ZNF454: variants seen among roughly 807,000 people sequenced by gnomAD.
ZNF454 encodes the protein zinc finger protein 454.
ZNF454 carries 30 observed loss-of-function variants against 48.2 expected under a neutral mutation model. That is an observed-to-expected ratio of 0.62 (90% confidence interval 0.47 to 0.84). The LOEUF (loss-of-function observed/expected upper bound fraction) is 0.84, where lower values mean the gene tolerates loss of function less well. Ranked by LOEUF, ZNF454 falls within the 40% of genes least tolerant of loss-of-function variation. The pLI is 0.00. For synonymous variants in ZNF454, 204 were observed against 211.4 expected (o/e 0.97, Z 0.30); for missense variants, 510 against 623.1 (o/e 0.82, Z 1.93).
the ZNF454 span, chr5:178,985,713 AAC>A: frequency 0.012 from 4,920 of 407,924 alleles, 119 homozygotes; most frequent in Middle Eastern, 0.031. Context: ...AAAAAAAAAA[AAC>A]AAAACAACAC....
downstream of ZNF454, among the ~76,000 whole-genome samples, chr5:178,967,018 T>A (rs1360936693): frequency 6.6e-6 from 1 of 152,140 alleles, no homozygotes; most frequent in Non-Finnish European, 1.5e-5. Flanking sequence ...CACACCCAAA[T>A]CCAGCCTTCA....
the ZNF454 span, among the ~76,000 whole-genome samples, chr5:178,974,899 C>G: frequency 1.3e-5 from 2 of 152,144 alleles, no homozygotes; most frequent in African/African-American, 4.8e-5. Flanking sequence ...AAACCCTTAC[C>G]CAATAAGCTG....
the ZNF454 span, chr5:178,979,363 G>C: frequency 6.6e-6 from 1 of 152,270 alleles, no homozygotes; most frequent in Non-Finnish European, 1.5e-5. Flanking sequence ...TGGAAGGAGA[G>C]AAACCTTGTG....
At chr5:178,968,575 T>C (rs983948344), downstream of ZNF454, among the ~76,000 whole-genome samples, 1 of 152,252 alleles carries the variant, frequency 6.6e-6, no homozygotes, top group African/African-American at 2.4e-5. Context: ...TTGGGATTGC[T>C]TGTGTCCCAT....
chr5:178,942,807 C>G lies in ZNF454; in HGVS notation c.16C>G (p.Leu6Val), dbSNP rs1759162568. 1 of 1,613,944 alleles carries G rather than the reference C, an allele frequency of 6.2e-7. No homozygotes were observed. The highest frequency in any genetic ancestry group is 8.5e-7 in the Non-Finnish European group (1 of 1,179,930). Residue 6 changes from leucine to valine, a missense_variant, in exon 2 of 5, where the codon CTG becomes GTG. Transcript: ENST00000519564. MAVSHLPTMVQESVTF... is the reference protein window; with the variant it reads MAVSHVPTMVQESVTF... Reference sequence around the variant, plus strand: ...AGAAGAAAGAATGGCTGTCAGCCACCTGCCAACCATGGTCCAGGTGAGTGG... The same window carrying G: ...AGAAGAAAGAATGGCTGTCAGCCACGTGCCAACCATGGTCCAGGTGAGTGG...
chr5:178,979,299 A>T, the ZNF454 span: 1 of 152,230 alleles, frequency 6.6e-6, no homozygotes, highest in African/African-American at 2.4e-5. Context: ...GCACACACCG[A>T]GTGTGGAAAA....
At chr5:178,988,199 A>G in the ZNF454 span, among the ~76,000 whole-genome samples, 1 of 152,188 alleles carries the variant, frequency 6.6e-6, no homozygotes, top group African/African-American at 2.4e-5. This position sits in a 1 kb window ranked among gnomAD's most constrained non-coding sequence, Gnocchi z 6.0. Flanking sequence ...ACACGGAGAG[A>G]GGTCTGAGTG....
the ZNF454 span, chr5:178,989,371 C>T: frequency 6.2e-6 from 10 of 1,613,960 alleles, no homozygotes; most frequent in Non-Finnish European, 6.8e-6. Context: ...TGCGGTTGTT[C>T]TCCAGGGATC....
At chr5:178,988,926 C>T in the ZNF454 span, 1 of 1,608,348 alleles carries the variant, frequency 6.2e-7, no homozygotes, top group East Asian at 2.2e-5. The surrounding 1 kb of genome is among the most constrained non-coding windows in gnomAD (Gnocchi z 6.0). Flanking sequence ...GGGGCAGGCA[C>T]CCACTCACCA....
At chr5:178,983,564 C>T in the ZNF454 span, 315 of 472,920 alleles carry the variant, frequency 6.7e-4, no homozygotes, top group Non-Finnish European at 4.8e-4. Flanking sequence ...TTTACTGCGC[C>T]CCTTCAAGGT....
At chr5:178,949,719 T>C (rs1446437213) in intron 4 of ZNF454, among the ~76,000 whole-genome samples, 1 of 152,022 alleles carries the variant, frequency 6.6e-6, no homozygotes, top group Admixed American at 6.6e-5. Flanking sequence ...TGGGTTCAAG[T>C]GATTCTTCTG....
the ZNF454 span, chr5:178,985,193 A>G: frequency 2.2e-6 from 1 of 446,352 alleles, no homozygotes; most frequent in Non-Finnish European, 4.5e-6. Context: ...AAAACCGGTC[A>G]GATAGCTCTT....
downstream of ZNF454, among the ~76,000 whole-genome samples, chr5:178,971,197 C>T (rs1209303175): frequency 6.6e-6 from 1 of 152,118 alleles, no homozygotes; most frequent in Non-Finnish European, 1.5e-5. Context: ...TTCCTAGAGA[C>T]AGGAGGCAGG....
chr5:178,974,335 T>C, the ZNF454 span, among the ~76,000 whole-genome samples: 1 of 150,332 alleles, frequency 6.7e-6, no homozygotes, highest in African/African-American at 2.5e-5. Flanking sequence ...GTTGTTGTTG[T>C]TGGAGATGGA....
rs1760131809 is a variant in ZNF454 at position 178,965,820 on chromosome 5, C to G, written c.1416C>G (p.Ile472Met). Residue 472 changes from isoleucine (I) to methionine (M), a missense_variant, in exon 5 of 5, where the codon ATC becomes ATG. This residue lies in a region of ZNF454 where 153 missense variants were observed against 195.8 expected (regional missense o/e 0.78). Transcript: ENST00000519564. This position sits in a 1 kb window ranked among gnomAD's most constrained non-coding sequence, Gnocchi z 5.2. ...HTREKPYKCK[I>M]CEKAFIRSTH... is the part of the protein sequence containing the mutation. ...GGGAAAAACCTTACAAATGTAAAATCTGTGAGAAAGCCTTTATCCGAAGCA... is the reference window on the plus strand; with the variant it reads ...GGGAAAAACCTTACAAATGTAAAATGTGTGAGAAAGCCTTTATCCGAAGCA... 1 of 1,613,774 alleles carries G rather than the reference C, an allele frequency of 6.2e-7. No individual in the cohort carries two copies. Among genetic ancestry groups the G allele is most frequent in the Admixed American group, 1.7e-5 (1 of 59,966 alleles).
At chr5:178,943,006 C>G (rs12514348) in intron 2 of ZNF454, among the ~76,000 whole-genome samples, 182 bp downstream of exon 2, 84,857 of 151,944 alleles carry the variant, frequency 0.56, 23,855 homozygotes, top group Admixed American at 0.6. Flanking sequence ...GTGGGTGTTG[C>G]AGCTGTATAA....
intron 1 of ZNF454, chr5:178,942,396 ACT>A (rs1408126338): frequency 5.9e-6 from 1 of 168,146 alleles, no homozygotes; most frequent in Non-Finnish European, 1.3e-5. Flanking sequence ...ACAGAGCGAG[ACT>A]CTGTCTCAAA....
the ZNF454 span, chr5:178,980,056 A>T: frequency 6.5e-6 from 1 of 154,430 alleles, no homozygotes; most frequent in South Asian, 2.0e-4. This position sits in a 1 kb window ranked among gnomAD's most constrained non-coding sequence, Gnocchi z 4.3. Flanking sequence ...AGCGCAACAG[A>T]AATGTTTCTC....
the ZNF454 span, among the ~76,000 whole-genome samples, chr5:178,973,064 T>C: frequency 6.8e-4 from 103 of 150,496 alleles, 1 homozygote; most frequent in East Asian, 9.8e-4. Flanking sequence ...GCAGTTCCTC[T>C]CCTTTCCCTC....
Sources: allele counts gnomAD v4.1 joint callset (sites outside exome capture counted in the v4.1 genomes callset), GRCh38; gene constraint gnomAD v4.1.1; regional missense constraint gnomAD v4.1.1; non-coding constraint Gnocchi (gnomAD v3.1); transcripts MANE v1.5; gene names NCBI Gene and HGNC (gene_info 2026-07-23, HGNC 2026-07-21).